Variants in RGS7 observed in about 807,000 individuals in gnomAD.
RGS7 encodes regulator of G protein signaling 7, also known as regulator of G-protein signaling 7.
A neutral mutation model predicts 81.1 loss-of-function variants in RGS7; 27 were observed. That is an observed-to-expected ratio of 0.33 (90% confidence interval 0.25 to 0.46). The LOEUF (loss-of-function observed/expected upper bound fraction) is 0.46, where lower values mean the gene tolerates loss of function less well. RGS7 is among the 20% of genes least tolerant of loss of function. RGS7 has a pLI of 1.00. For missense variants in RGS7, 396 were observed against 607.4 expected, an observed-to-expected ratio of 0.65 and a Z score of 3.66; for synonymous variants, 208 against 207.7, an observed-to-expected ratio of 1.00 and a Z score of -0.01.
At chr1:240,943,752 T>C (rs1677997021) in intron 4 of RGS7, among the ~76,000 whole-genome samples, 1 of 152,164 alleles carries the variant, frequency 6.6e-6, no homozygotes, top group African/African-American at 2.4e-5. Context: ...AAAGGCGGCA[T>C]GCTCCACACG....
chr1:241,231,955 T>C (rs1037884150), intron 2 of RGS7, among the ~76,000 whole-genome samples: 1 of 152,222 alleles, frequency 6.6e-6, no homozygotes, highest in African/African-American at 2.4e-5. Flanking sequence ...TTTATAACTT[T>C]TGCTCCTCTG....
intron 4 of RGS7, among the ~76,000 whole-genome samples, chr1:240,957,329 C>T (rs1486148627): frequency 2.0e-5 from 3 of 152,168 alleles, no homozygotes; most frequent in African/African-American, 4.8e-5. Context: ...CTCAGGTCTT[C>T]GGCCACACAC....
At chr1:241,281,121 CACTT>C (rs2078481540) in intron 2 of RGS7, among the ~76,000 whole-genome samples, 1 of 152,140 alleles carries the variant, frequency 6.6e-6, no homozygotes, top group East Asian at 1.9e-4. Context: ...TCTACTTTAA[CACTT>C]ACTACCATAA....
At chr1:240,889,042 A>C (rs1307236593) in intron 6 of RGS7, among the ~76,000 whole-genome samples, 1 of 151,794 alleles carries the variant, frequency 6.6e-6, no homozygotes, top group Non-Finnish European at 1.5e-5. Flanking sequence ...TGCAACCTCC[A>C]CCTCCCGGGT....
At chr1:241,102,655 G>A (rs72758851) in intron 2 of RGS7, among the ~76,000 whole-genome samples, 4,341 of 151,882 alleles carry the variant, frequency 0.029, 112 homozygotes, top group Admixed American at 0.067. Context: ...TTAAAGTCTC[G>A]CAAGTATGTA....
intron 6 of RGS7, among the ~76,000 whole-genome samples, chr1:240,921,499 A>G (rs972014318): frequency 1.3e-5 from 2 of 152,122 alleles, no homozygotes; most frequent in Non-Finnish European, 2.9e-5. Context: ...TTTGTTCAGG[A>G]AGACATGTTT....
intron 6 of RGS7, among the ~76,000 whole-genome samples, chr1:240,876,672 T>C (rs1162375348): frequency 1.3e-5 from 2 of 152,154 alleles, no homozygotes; most frequent in East Asian, 1.9e-4. Context: ...AAAACATTCA[T>C]GGCCATAGGC....
At chr1:240,778,533 T>C (rs759838847) in intron 18 of RGS7, among the ~76,000 whole-genome samples, 3 of 152,114 alleles carry the variant, frequency 2.0e-5, no homozygotes, top group Non-Finnish European at 2.9e-5. Flanking sequence ...AAGTGGTTTT[T>C]GTTTTGTTTT....
In RGS7 at chr1:241,027,687, C is replaced by G. The variant is rs1041521215; in HGVS notation, c.176-44558G>C. ...GAAAGAGAGACAGATGGAGGAGAGCCTAGGTTTGTATTTTTACAACTGCAT... is the reference window on the plus strand; with the variant it reads ...GAAAGAGAGACAGATGGAGGAGAGCGTAGGTTTGTATTTTTACAACTGCAT... On this transcript the variant is annotated intron_variant, in intron 3 of 18. Coordinates refer to ENST00000440928, the MANE Select transcript of RGS7 (RefSeq NM_001364886.1). 5.7e-4 allele frequency among the ~76,000 whole-genome samples: 86 copies of G among 152,044 alleles called. 1 individual carries two copies. Among genetic ancestry groups the G allele is most frequent in the Middle Eastern group, 6.8e-3 (2 of 294 alleles).
intron 2 of RGS7, among the ~76,000 whole-genome samples, chr1:241,103,165 GTA>G (rs2064883565): frequency 6.6e-6 from 1 of 151,936 alleles, no homozygotes; most frequent in Non-Finnish European, 1.5e-5. Flanking sequence ...GTATGTGTGT[GTA>G]TATATATGTG....
At chr1:241,342,265 T>C (rs1384347544) in intron 2 of RGS7, among the ~76,000 whole-genome samples, 2 of 152,042 alleles carry the variant, frequency 1.3e-5, no homozygotes, top group African/African-American at 2.4e-5. Context: ...AAAATCTCAC[T>C]ATAAAGGCAG....
intron 6 of RGS7, among the ~76,000 whole-genome samples, chr1:240,926,262 T>A (rs1439791911): frequency 6.6e-6 from 1 of 152,182 alleles, no homozygotes; most frequent in African/African-American, 2.4e-5. Flanking sequence ...CTTCTAGGGT[T>A]TTTATATTTT....
chr1:240,804,504 A>C (rs1688524976), intron 15 of RGS7, among the ~76,000 whole-genome samples: 1 of 152,046 alleles, frequency 6.6e-6, no homozygotes, highest in Non-Finnish European at 1.5e-5. Flanking sequence ...CTGAAAAAGA[A>C]ATCTAGGGCC....
intron 2 of RGS7, among the ~76,000 whole-genome samples, chr1:241,332,647 C>T (rs1033977617): frequency 1.3e-5 from 2 of 152,080 alleles, no homozygotes; most frequent in African/African-American, 4.8e-5. Flanking sequence ...TTAGAGAAAA[C>T]CTAATTAATT....
intron 4 of RGS7, among the ~76,000 whole-genome samples, chr1:240,956,140 G>A (rs928031382): frequency 3.9e-5 from 6 of 152,140 alleles, no homozygotes; most frequent in Admixed American, 3.9e-4. Flanking sequence ...CAAAGCTAAC[G>A]CAATTGTCTT....
At chr1:240,915,311 C>G (rs952519920) in intron 6 of RGS7, among the ~76,000 whole-genome samples, 1 of 152,110 alleles carries the variant, frequency 6.6e-6, no homozygotes, top group East Asian at 1.9e-4. Flanking sequence ...ACCCCCAAAA[C>G]CCAAGGAGCA....
At chr1:241,237,490 C>T (rs1347282301) in intron 2 of RGS7, among the ~76,000 whole-genome samples, 2 of 151,734 alleles carry the variant, frequency 1.3e-5, no homozygotes, top group Admixed American at 6.6e-5. Context: ...TAGAGGAGCA[C>T]GTATATTAAC....
rs1298820587 is a variant in RGS7 at position 241,144,012 on chromosome 1, G to T, written c.79-45250C>A. Reference sequence around the variant, plus strand: ...AGTACTTGCCAGCCTCCAGAACTCTGAGAAATACATTTCTATTGTGTATAA... The same window carrying T: ...AGTACTTGCCAGCCTCCAGAACTCTTAGAAATACATTTCTATTGTGTATAA... On this transcript the variant is annotated intron_variant, in intron 2 of 18. Coordinates refer to ENST00000440928, the MANE Select transcript of RGS7 (RefSeq NM_001364886.1). This position sits in a 1 kb window ranked among gnomAD's most constrained non-coding sequence, Gnocchi z 4.7. Among the ~76,000 whole-genome samples, 7 of 152,146 alleles carry T rather than the reference G, an allele frequency of 4.6e-5. No homozygotes were observed. The highest frequency in any genetic ancestry group is 4.6e-4 in the Admixed American group (7 of 15,266).
chr1:240,958,974 C>T (rs1680904321), intron 4 of RGS7, among the ~76,000 whole-genome samples: 1 of 152,232 alleles, frequency 6.6e-6, no homozygotes, highest in African/African-American at 2.4e-5. Flanking sequence ...TGCTTAAACT[C>T]TGTTTGCCTG....
Sources: allele counts gnomAD v4.1 joint callset (sites outside exome capture counted in the v4.1 genomes callset), GRCh38; gene constraint gnomAD v4.1.1; non-coding constraint Gnocchi (gnomAD v3.1); transcripts MANE v1.5; gene names NCBI Gene and HGNC (gene_info 2026-07-23, HGNC 2026-07-21).